ABCG5: variants seen among roughly 807,000 people sequenced by gnomAD.
ABCG5 encodes ATP binding cassette subfamily G member 5, also known as ATP-binding cassette sub-family G member 5.
ABCG5 carries 64 observed loss-of-function variants against 64.5 expected under a neutral mutation model. The ratio of observed to expected loss-of-function variants is 0.99; its 90% CI spans 0.81 to 1.22. ABCG5 has a LOEUF of 1.22. Ranked by LOEUF, ABCG5 falls within the 50% of genes most tolerant of loss-of-function variation. The pLI is 0.00. For missense variants in ABCG5, 908 were observed against 829.5 expected (o/e 1.09, Z -1.16); for synonymous variants, 385 against 326.3 (o/e 1.18, Z -1.94).
intron 10 of ABCG5, among the ~76,000 whole-genome samples, chr2:43,820,999 T>A (rs1667160010): frequency 6.6e-6 from 1 of 151,934 alleles, no homozygotes; most frequent in African/African-American, 2.4e-5. Context: ...TCCATGCACC[T>A]TTCCTCTTAT....
intron 9 of ABCG5, 114 bp from the exon 10 acceptor site, chr2:43,823,049 G>C: frequency 1.4e-6 from 2 of 1,453,750 alleles, no homozygotes; most frequent in Non-Finnish European, 1.9e-6. Flanking sequence ...GACCAGCTAG[G>C]GGGGTTCCCT....
chr2:43,821,501 C>T (rs895331604), intron 10 of ABCG5, among the ~76,000 whole-genome samples: 1 of 152,206 alleles, frequency 6.6e-6, no homozygotes, highest in African/African-American at 2.4e-5. Context: ...GCACAGCCTC[C>T]TGCCTCTCAC....
In ABCG5 at chr2:43,829,026, C is replaced by G. The variant is rs116993586; in HGVS notation, c.502-911G>C. ...AAAATAAGATTCCCTAGAACACAAA[C>G]TGCTTACACTTGCTTCAGGAAAATT... On this transcript the variant is annotated intron_variant, in intron 4 of 12. Coordinates refer to ENST00000405322, the MANE Select transcript of ABCG5 (RefSeq NM_022436.3). Among the ~76,000 whole-genome samples, 9 of 152,168 alleles carry G rather than the reference C, an allele frequency of 5.9e-5. No homozygotes were observed. In the East Asian group the frequency reaches 1.7e-3, roughly 29 times the overall value.
At chr2:43,814,617 T>C in intron 11 of ABCG5, 28 bp from the exon 12 acceptor site, 1 of 1,347,360 alleles carries the variant, frequency 7.4e-7, no homozygotes, top group South Asian at 1.2e-5. Context: ...AAAAATGAAA[T>C]TCAGTAGGCT....
At chr2:43,814,718 G>T in intron 11 of ABCG5, 129 bp from the exon 12 acceptor site, 1 of 602,656 alleles carries the variant, frequency 1.7e-6, no homozygotes, top group Non-Finnish European at 2.9e-6. Context: ...TAAAAATGAT[G>T]CTCACTATAA....
rs575939106 is a variant in ABCG5 at position 43,819,873 on chromosome 2, C to A, written c.1649+42G>T. The A allele has an allele frequency of 5.0e-6, 8 of 1,597,932 alleles. No individual in the cohort carries two copies. The Admixed American group carries it at 8.3e-5, about 17-fold the overall frequency. On this transcript the variant is annotated intron_variant, in intron 11 of 12. Coordinates refer to ENST00000405322, the MANE Select transcript of ABCG5 (RefSeq NM_022436.3). ...GTCATTATTAGGTGATCATTAATAA[C>A]AGATTATCCCAATCTAAATTTTTTG... is the stretch of plus-strand genomic sequence containing the variant.
intron 6 of ABCG5, among the ~76,000 whole-genome samples, chr2:43,825,642 TC>T (rs1170730291): frequency 6.6e-6 from 1 of 152,154 alleles, no homozygotes; most frequent in Non-Finnish European, 1.5e-5. Context: ...AGACCGAATC[TC>T]ACTCTGTCAC....
intron 12 of ABCG5, among the ~76,000 whole-genome samples, chr2:43,813,709 G>GTTTTTT (rs1214033245): frequency 1.1e-3 from 39 of 34,058 alleles, no homozygotes; most frequent in African/African-American, 1.9e-3. Context: ...TTTTTTTTTC[G>GTTTTTT]TTTTTTTTTT....
downstream of ABCG5, among the ~76,000 whole-genome samples, chr2:43,811,883 C>G (rs367566316): frequency 6.6e-6 from 1 of 152,114 alleles, no homozygotes; most frequent in Non-Finnish European, 1.5e-5. Flanking sequence ...CATGAGCCAC[C>G]GCGCCTGGCC....
At position 43,814,503 on chromosome 2, in the gene ABCG5, T is replaced by C; in HGVS notation, c.1736A>G (p.Glu579Gly). The part of the protein sequence containing the change: ...KYCSEILVVN[E>G]FYGLNFTCGS... ...ACAAGTGAAATTCAGTCCGTAGAAC[T>C]CATTGACTACAAGAATCTCACTGCA... Residue 579 changes from glutamate (E) to glycine (G), a missense_variant, in exon 12 of 13, where the codon GAG becomes GGG. Glu to Gly is a moderately conservative substitution (Grantham distance 98). Coordinates refer to ENST00000405322, the MANE Select transcript of ABCG5 (RefSeq NM_022436.3). The C allele has an allele frequency of 2.5e-6, 4 of 1,607,588 alleles. No homozygotes were observed. Among genetic ancestry groups the C allele is most frequent in the Non-Finnish European group, 3.4e-6 (4 of 1,174,364 alleles).
chr2:43,819,820 A>C, intron 11 of ABCG5, 95 bp downstream of exon 11: 1 of 1,340,084 alleles, frequency 7.5e-7, no homozygotes. Context: ...CATAACCACT[A>C]TCAGTTCTCT....
chr2:43,828,308 T>C, intron 4 of ABCG5, 193 bp from the exon 5 acceptor site: 3 of 722,042 alleles, frequency 4.2e-6, no homozygotes, highest in Non-Finnish European at 6.9e-6. Flanking sequence ...GTAATACATG[T>C]GTCAGATTTA....
chr2:43,824,027 C>A lies in ABCG5; in HGVS notation c.1210G>T (p.Val404Phe), dbSNP rs200396635. ...AGCACATTGCTTCGGACCCGCAGAACGAAGAAAAGGAGGAACAAACCCATG... is the reference window on the plus strand; with the variant it reads ...AGCACATTGCTTCGGACCCGCAGAAAGAAGAAAAGGAGGAACAAACCCATG... ...LIMGLFLLFFVLRVRSNVLKG... is the reference protein window; with the variant it reads ...LIMGLFLLFFFLRVRSNVLKG... Residue 404 changes from valine to phenylalanine, a missense_variant, in exon 9 of 13, where the codon GTT becomes TTT. Val to Phe is a conservative substitution (Grantham distance 50). Transcript: ENST00000405322. 1.2e-6 allele frequency: 2 copies of A among 1,614,128 alleles called. No homozygotes were observed. The highest frequency in any genetic ancestry group is 4.5e-5 in the East Asian group (2 of 44,886).
intron 10 of ABCG5, among the ~76,000 whole-genome samples, chr2:43,821,046 G>A (rs571125712): frequency 3.9e-5 from 6 of 152,190 alleles, no homozygotes; most frequent in Admixed American, 6.5e-5. Context: ...TGGTGATAGC[G>A]TATCTTCAAT....
chr2:43,838,432 C>T lies in ABCG5; in HGVS notation c.143+105G>A, dbSNP rs942265773. ...CACCCGATCCACTAAAGAGGGAGCC[C>T]GAAGTGCCCAGACTGGCACTTAAAG... On this transcript the variant is annotated intron_variant, in intron 1 of 12. Transcript: ENST00000405322. The surrounding 1 kb of genome is among the most constrained non-coding windows in gnomAD (Gnocchi z 4.2). 9 of 1,151,216 alleles carry T rather than the reference C, an allele frequency of 7.8e-6. No individual in the cohort carries two copies. Among genetic ancestry groups the T allele is most frequent in the Admixed American group, 6.7e-5 (3 of 45,082 alleles). 71.3% of individuals were successfully genotyped at this position (1,151,216 alleles called of 1,614,324 possible).
Position 43,838,092 on chromosome 2 carries a change from G to A in ABCG5, c.144-137C>T, listed in dbSNP as rs956437085. 81 of 1,191,392 alleles carry A rather than the reference G, an allele frequency of 6.8e-5. No individual in the cohort carries two copies. Among genetic ancestry groups the A allele is most frequent in the Non-Finnish European group, 8.8e-5 (73 of 830,772 alleles). 73.8% of individuals were successfully genotyped at this position (1,191,392 alleles called of 1,614,324 possible). On this transcript the variant is annotated intron_variant, in intron 1 of 12. Transcript: ENST00000405322. This position sits in a 1 kb window ranked among gnomAD's most constrained non-coding sequence, Gnocchi z 4.2. ...GCTCCTAACGTGTTTCAGTCTCTGC[G>A]CCCTCCTCTGTAGAACCTGGCAGAT...
chr2:43,812,735 CA>C lies in ABCG5; in HGVS notation c.*380del. 1 of 201,226 alleles carries C rather than the reference CA, an allele frequency of 5.0e-6. No homozygotes were observed. Among genetic ancestry groups the C allele is most frequent in the Non-Finnish European group, 1.0e-5 (1 of 97,552 alleles). The allele number at this position is 201,226 out of a possible 1,614,324, so 12.5% of individuals were successfully genotyped here. A position where few individuals can be genotyped will look rare whatever the true frequency, so the allele number is the denominator to read the frequency against. On this transcript the variant is annotated 3_prime_UTR_variant, in exon 13 of 13. Coordinates refer to ENST00000405322, the MANE Select transcript of ABCG5 (RefSeq NM_022436.3). ...CACTTATGGTCAGGAATCCTTGAAA[CA>C]TTTTATTTTTGCCTAATCCTTTATC... is the stretch of plus-strand genomic sequence containing the variant.
intron 11 of ABCG5, among the ~76,000 whole-genome samples, chr2:43,815,026 G>T (rs764602998): frequency 1.3e-5 from 2 of 152,106 alleles, no homozygotes; most frequent in Non-Finnish European, 2.9e-5. Flanking sequence ...ACTTATTTTG[G>T]TAAGCACTAC....
chr2:43,810,065 T>G (rs1666429934), downstream of ABCG5: 1 of 680,782 alleles, frequency 1.5e-6, no homozygotes. Context: ...GCTTATATGT[T>G]TTTAGGAATA....
Sources: allele counts gnomAD v4.1 joint callset (sites outside exome capture counted in the v4.1 genomes callset), GRCh38; gene constraint gnomAD v4.1.1; non-coding constraint Gnocchi (gnomAD v3.1); transcripts MANE v1.5; gene names NCBI Gene and HGNC (gene_info 2026-07-23, HGNC 2026-07-21).